The following WWP2 variants were observed in gnomAD, a reference collection of about 807,000 sequenced individuals.
WWP2 encodes the protein NEDD4-like E3 ubiquitin-protein ligase WWP2.
A neutral mutation model predicts 121.0 loss-of-function variants in WWP2; 57 were observed. The ratio of observed to expected loss-of-function variants is 0.47; its 90% CI spans 0.38 to 0.59. WWP2 has a LOEUF of 0.59. Ranked by LOEUF, WWP2 falls within the 20% of genes least tolerant of loss-of-function variation. The pLI is 0.00. For synonymous variants in WWP2, 449 were observed against 441.3 expected (o/e 1.02, Z -0.22); for missense variants, 962 against 1,158.9 (o/e 0.83, Z 2.47).
At chr16:69,811,804 G>T (rs928608345) in intron 4 of WWP2, among the ~76,000 whole-genome samples, 4 of 152,058 alleles carry the variant, frequency 2.6e-5, no homozygotes, top group Admixed American at 6.6e-5. Flanking sequence ...ATAGAACAAA[G>T]AACTCCTCAA....
At chr16:69,774,656 C>A (rs1323949022) in intron 1 of WWP2, 1 of 152,134 alleles carries the variant, frequency 6.6e-6, no homozygotes, top group Non-Finnish European at 1.5e-5. Context: ...TCAGTGAGAC[C>A]TTCCTGTTCA....
rs142998180 is a variant in WWP2 at position 69,906,282 on chromosome 16, C to T, written c.915-2479C>T. Among the ~76,000 whole-genome samples, 15 of 152,142 alleles carry T rather than the reference C, an allele frequency of 9.9e-5. No individual in the cohort carries two copies. In the East Asian group the frequency reaches 2.9e-3, roughly 29 times the overall value. On this transcript the variant is annotated intron_variant, in intron 8 of 23. Transcript: ENST00000359154. The stretch of plus-strand genomic sequence containing the variant: ...AGAGACAGGGTTTTACTGTGTTAGC[C>T]AGGATGATCTTGATCTCCTGACCTT...
intron 6 of WWP2, among the ~76,000 whole-genome samples, chr16:69,846,137 C>T (rs1196682434): frequency 6.7e-6 from 1 of 150,268 alleles, no homozygotes; most frequent in African/African-American, 2.5e-5. Context: ...ATGCGGCATA[C>T]ATTTGTTTGC....
chr16:69,915,317 C>T (rs576789940), intron 9 of WWP2, among the ~76,000 whole-genome samples: 3 of 152,318 alleles, frequency 2.0e-5, no homozygotes, highest in Admixed American at 6.5e-5. Flanking sequence ...ATTGAGAGGA[C>T]GAGGGGAGGA....
rs2058840126 is a variant in WWP2 at position 69,939,036 on chromosome 16, G to A, written c.2353G>A (p.Glu785Lys). The change falls in exon 22 of 24, where the codon GAG (glutamate) becomes AAG (lysine). Residue 785 changes from glutamate (E) to lysine (K), a missense_variant. Transcript: ENST00000359154. The part of the protein sequence containing the change: ...QIQWFWQVVK[E>K]MDNEKRIRLL... ...ACTTGCGGACTTCCAGGTGGTGAAGGAGATGGACAACGAGAAGAGGATCCG... is the reference window on the plus strand; with the variant it reads ...ACTTGCGGACTTCCAGGTGGTGAAGAAGATGGACAACGAGAAGAGGATCCG... 1.9e-6 allele frequency: 3 copies of A among 1,603,608 alleles called. No individual in the cohort carries two copies. The highest frequency in any genetic ancestry group is 2.6e-6 in the Non-Finnish European group (3 of 1,174,538).
chr16:69,795,005 AG>A (rs1422533176), intron 2 of WWP2, among the ~76,000 whole-genome samples: 1 of 152,052 alleles, frequency 6.6e-6, no homozygotes, highest in Non-Finnish European at 1.5e-5. Context: ...GCTTGAGTCC[AG>A]GTGGATTCCT....
rs560403956 is a variant in WWP2 at position 69,883,426 on chromosome 16, A to G, written c.704-4613A>G. On this transcript the variant is annotated intron_variant, in intron 7 of 23. Transcript: ENST00000359154. The stretch of plus-strand genomic sequence containing the variant: ...CACACACACACACACACACACACAC[A>G]CTCATTTACTCCTACTTTTTGAGGG... Among the ~76,000 whole-genome samples, 110 of 150,886 alleles carry G rather than the reference A, an allele frequency of 7.3e-4. 1 individual carries two copies. The highest frequency in any genetic ancestry group is 2.6e-3 in the African/African-American group (106 of 40,882).
chr16:69,883,284 A>C (rs576503435), intron 7 of WWP2, among the ~76,000 whole-genome samples: 1 of 152,270 alleles, frequency 6.6e-6, no homozygotes, highest in East Asian at 1.9e-4. Context: ...CTGGTTGACC[A>C]GGGTGACCGT....
At position 69,906,283 on chromosome 16, in the gene WWP2, A is replaced by G. The variant is rs964831534; in HGVS notation, c.915-2478A>G. ...GAGACAGGGTTTTACTGTGTTAGCC[A>G]GGATGATCTTGATCTCCTGACCTTG... On this transcript the variant is annotated intron_variant, in intron 8 of 23. Coordinates refer to ENST00000359154, the MANE Select transcript of WWP2 (RefSeq NM_001270454.2). 3.9e-5 allele frequency among the ~76,000 whole-genome samples: 6 copies of G among 152,086 alleles called. No homozygotes were observed. In the South Asian group the frequency reaches 8.3e-4, roughly 21 times the overall value.
intron 4 of WWP2, among the ~76,000 whole-genome samples, chr16:69,820,699 T>TACAAAAAAA (rs1567684390): frequency 9.1e-6 from 1 of 109,366 alleles, no homozygotes; most frequent in Non-Finnish European, 2.2e-5. Context: ...ATACTACTGT[T>TACAAAAAAA]TATTTTGTTT....
chr16:69,788,151 C>T lies in WWP2; in HGVS notation c.70+1071C>T, dbSNP rs150875402. Reference sequence around the variant, plus strand: ...GCCAAGGCAGGAGGATCACCTGAGCCCAGGAGTTTGAGACCAGCCTGAGCA... The same window carrying T: ...GCCAAGGCAGGAGGATCACCTGAGCTCAGGAGTTTGAGACCAGCCTGAGCA... On this transcript the variant is annotated intron_variant, in intron 2 of 23. Transcript: ENST00000359154. The T allele has an allele frequency of 7.7e-3, 1,171 of 152,122 alleles. 13 individuals are homozygous for T. The highest frequency in any genetic ancestry group is 0.011 in the Non-Finnish European group (752 of 68,124). 9.4% of individuals were successfully genotyped at this position (152,122 alleles called of 1,614,324 possible). A position where few individuals can be genotyped will look rare whatever the true frequency, so the allele number is the denominator to read the frequency against.
intron 8 of WWP2, among the ~76,000 whole-genome samples, chr16:69,888,592 C>G (rs912093389): frequency 1.3e-5 from 2 of 152,134 alleles, no homozygotes; most frequent in Admixed American, 6.5e-5. Flanking sequence ...GCTTTTCTCT[C>G]TTGAATTTTA....
At chr16:69,766,636 G>A (rs2038736624) in intron 1 of WWP2, among the ~76,000 whole-genome samples, 1 of 152,142 alleles carries the variant, frequency 6.6e-6, no homozygotes, top group Non-Finnish European at 1.5e-5. Flanking sequence ...CTTATTTGGG[G>A]CTTTTGAACT....
rs1491521075 is a variant in WWP2, at chr16:69,849,485, TCA to T, written c.575+7366_575+7367del. 5.5e-3 allele frequency among the ~76,000 whole-genome samples: 824 copies of T among 150,994 alleles called. 7 individuals are homozygous for T. Among genetic ancestry groups the T allele is most frequent in the African/African-American group, 0.019 (778 of 41,320 alleles). On this transcript the variant is annotated intron_variant, in intron 6 of 23. Coordinates refer to ENST00000359154, the MANE Select transcript of WWP2 (RefSeq NM_001270454.2). ...AAGTGTTATTTATTTATTTATTTAT[TCA>T]TTCATTCATTCATTCATTCATTCAT...
At chr16:69,917,940 G>T in intron 10 of WWP2, 57 bp downstream of exon 10, 1 of 1,500,230 alleles carries the variant, frequency 6.7e-7, no homozygotes, top group Non-Finnish European at 8.9e-7. Context: ...TTGCGAATGT[G>T]CAGCCACGTG....
intron 8 of WWP2, among the ~76,000 whole-genome samples, chr16:69,905,480 T>C (rs189411946): frequency 6.6e-6 from 1 of 152,322 alleles, no homozygotes; most frequent in Non-Finnish European, 1.5e-5. Context: ...AATCCAGAAC[T>C]TTTTGAGTTC....
In WWP2 at chr16:69,798,730, C is replaced by G; in HGVS notation, c.119C>G (p.Ser40Cys). 1.2e-6 allele frequency: 2 copies of G among 1,614,108 alleles called. No individual in the cohort carries two copies. Among genetic ancestry groups the G allele is most frequent in the African/African-American group, 1.3e-5 (1 of 75,024 alleles). Residue 40 changes from serine (S) to cysteine (C), a missense_variant, in exon 3 of 24, where the codon TCC becomes TGC. By Grantham distance (112) the Ser-to-Cys change is moderately radical (BLOSUM62 -1). This residue lies in a region of WWP2 where 145 missense variants were observed against 189.8 expected (regional missense o/e 0.76). Transcript: ENST00000359154. Reference sequence around the variant, plus strand: ...CATAATCGTCAACCTCGAATTAACTCCTACGTGGAGGTGGCGGTGGATGGA... The same window carrying G: ...CATAATCGTCAACCTCGAATTAACTGCTACGTGGAGGTGGCGGTGGATGGA... ...KVHNRQPRIN[S>C]YVEVAVDGLP...
chr16:69,798,734 C>A lies in WWP2; in HGVS notation c.123C>A (p.Tyr41Ter). 1 of 1,614,060 alleles carries A rather than the reference C, an allele frequency of 6.2e-7. No homozygotes were observed. Among genetic ancestry groups the A allele is most frequent in the Non-Finnish European group, 8.5e-7 (1 of 1,180,020 alleles). Residue 41 changes from tyrosine to a stop codon, truncating the protein, a stop_gained, in exon 3 of 24, where the codon TAC becomes TAA. Coordinates refer to ENST00000359154, the MANE Select transcript of WWP2 (RefSeq NM_001270454.2). LOFTEE classifies it high-confidence loss of function. Reference protein sequence around the residue: ...VHNRQPRINSYVEVAVDGLPS... With the variant: ...VHNRQPRINS ...ATCGTCAACCTCGAATTAACTCCTA[C>A]GTGGAGGTGGCGGTGGATGGACTCC...
chr16:69,869,372 G>A (rs1003087094), intron 6 of WWP2, among the ~76,000 whole-genome samples: 9 of 150,614 alleles, frequency 6.0e-5, no homozygotes, highest in African/African-American at 1.7e-4. Flanking sequence ...GTTGGGGATT[G>A]GGGGCAAGAA....
Sources: allele counts gnomAD v4.1 joint callset (sites outside exome capture counted in the v4.1 genomes callset), GRCh38; gene constraint gnomAD v4.1.1; regional missense constraint gnomAD v4.1.1; transcripts MANE v1.5; gene names NCBI Gene and HGNC (gene_info 2026-07-23, HGNC 2026-07-21).